SMYD1: variants seen among roughly 807,000 people sequenced by gnomAD.
SMYD1 encodes histone-lysine N-methyltransferase SMYD1.
A neutral mutation model predicts 54.0 loss-of-function variants in SMYD1; 49 were observed. The ratio of observed to expected loss-of-function variants is 0.91; its 90% confidence interval spans 0.72 to 1.15. SMYD1 has a LOEUF of 1.15. Among genes scored for constraint, SMYD1 ranks in the 50% most tolerant of loss-of-function variants. SMYD1 has a pLI of 0.00. For synonymous variants in SMYD1, 269 were observed against 234.2 expected, an observed-to-expected ratio of 1.15 and a Z score of -1.36; for missense variants, 653 against 639.6, an observed-to-expected ratio of 1.02 and a Z score of -0.23.
intron 1 of SMYD1, among the ~76,000 whole-genome samples, chr2:88,077,836 G>C (rs1422610599): frequency 2.0e-5 from 3 of 150,438 alleles, no homozygotes; most frequent in Non-Finnish European, 4.4e-5. Flanking sequence ...CGATTCTCCT[G>C]CCTCAGCCTC....
intron 2 of SMYD1, 42 bp from the exon 3 acceptor site, chr2:88,087,820 G>A (rs1393319698): frequency 6.8e-7 from 1 of 1,476,948 alleles, no homozygotes; most frequent in South Asian, 1.4e-5. Flanking sequence ...TTGAAGGAAT[G>A]AATGCAGCTG....
chr2:88,075,345 C>T (rs1379708388), intron 1 of SMYD1, among the ~76,000 whole-genome samples: 1 of 152,024 alleles, frequency 6.6e-6, no homozygotes, highest in African/African-American at 2.4e-5. Flanking sequence ...ACTCGCATCC[C>T]AGGATGTGTT....
intron 1 of SMYD1, among the ~76,000 whole-genome samples, chr2:88,075,818 C>T (rs186666951): frequency 6.6e-6 from 1 of 152,260 alleles, no homozygotes; most frequent in East Asian, 1.9e-4. Context: ...TCTGGGATTA[C>T]AGGTGTAAGC....
chr2:88,088,089 G>A lies in SMYD1; in HGVS notation c.528+14G>A, dbSNP rs200198739. On this transcript the variant is annotated intron_variant, in intron 3 of 9. Coordinates refer to ENST00000419482, the MANE Select transcript of SMYD1 (RefSeq NM_198274.4). The stretch of plus-strand genomic sequence containing the variant: ...ATCTTCGGAGTGGTAGGCCCCCTGC[G>A]TCCCTTCTCCATCCTCCCTGTCTGT... The A allele has an allele frequency of 7.0e-5, 112 of 1,600,344 alleles. 1 individual carries two copies. In the African/African-American group the frequency reaches 1.1e-3, roughly 15 times the overall value.
In SMYD1 at chr2:88,112,223, A is replaced by C; in HGVS notation, c.*1711A>C. ...TATCACTCTTTTACCTTCATATAAA[A>C]TGTCTCCCCCAAACCTTTTTCCCTT... On this transcript the variant is annotated 3_prime_UTR_variant, in exon 10 of 10. Transcript: ENST00000419482. The C allele has an allele frequency of 2.9e-6, 2 of 692,814 alleles. No homozygotes were observed. The highest frequency in any genetic ancestry group is 1.5e-5 in the South Asian group (1 of 67,140). 42.9% of individuals were successfully genotyped at this position (692,814 alleles called of 1,614,324 possible). A position where few individuals can be genotyped will look rare whatever the true frequency, so the allele number is the denominator to read the frequency against.
intron 1 of SMYD1, among the ~76,000 whole-genome samples, chr2:88,073,153 C>T (rs530401306): frequency 2.0e-5 from 3 of 152,238 alleles, no homozygotes; most frequent in East Asian, 1.9e-4. Context: ...AAAATGAAAA[C>T]ATGTTATTTG....
At chr2:88,091,441 G>C (rs574988579) in intron 4 of SMYD1, among the ~76,000 whole-genome samples, 1 of 152,104 alleles carries the variant, frequency 6.6e-6, no homozygotes, top group African/African-American at 2.4e-5. Flanking sequence ...TATCTGTCTA[G>C]AGGTCATTTA....
chr2:88,099,409 C>A (rs896884134), intron 6 of SMYD1, among the ~76,000 whole-genome samples: 2 of 152,110 alleles, frequency 1.3e-5, no homozygotes, highest in Admixed American at 1.3e-4. Context: ...CTCTCTCCAG[C>A]CTTTACCCAT....
intron 1 of SMYD1, among the ~76,000 whole-genome samples, chr2:88,080,285 T>G (rs1674159871): frequency 7.3e-6 from 1 of 137,450 alleles, no homozygotes; most frequent in African/African-American, 2.5e-5. Flanking sequence ...CACCTGGAAT[T>G]TTCATTTGTG....
At chr2:88,076,739 G>A (rs1389350792) in intron 1 of SMYD1, among the ~76,000 whole-genome samples, 1 of 152,208 alleles carries the variant, frequency 6.6e-6, no homozygotes, top group Non-Finnish European at 1.5e-5. Flanking sequence ...GGCACAGCAG[G>A]CTTACGCCTG....
Position 88,111,163 on chromosome 2 carries a change from A to C in SMYD1, c.*651A>C, listed in dbSNP as rs1675013285. 1 of 152,232 alleles carries C rather than the reference A, an allele frequency of 6.6e-6. No individual in the cohort carries two copies. The highest frequency in any genetic ancestry group is 1.5e-5 in the Non-Finnish European group (1 of 68,044). 9.4% of individuals were successfully genotyped at this position (152,232 alleles called of 1,614,324 possible). A position where few individuals can be genotyped will look rare whatever the true frequency, so the allele number is the denominator to read the frequency against. ...CCACTTCAGAATGGTGCATATGTCG[A>C]AAGAGCTGGCTGGGGGCCTTGCCCA... is the stretch of plus-strand genomic sequence containing the variant. On this transcript the variant is annotated 3_prime_UTR_variant, in exon 10 of 10. Transcript: ENST00000419482.
rs949641997 is a variant in SMYD1, at chr2:88,081,265, T to C, written c.138-3051T>C. Among the ~76,000 whole-genome samples, 6 of 152,126 alleles carry C rather than the reference T, an allele frequency of 3.9e-5. No individual in the cohort carries two copies. In the South Asian group the frequency reaches 1.2e-3, roughly 32 times the overall value. ...GTGGGTAGATGCATATGTCAGAACC[T>C]ATCAAAGTGTTATTTTTTAACACTT... is the stretch of plus-strand genomic sequence containing the variant. On this transcript the variant is annotated intron_variant, in intron 1 of 9. Coordinates refer to ENST00000419482, the MANE Select transcript of SMYD1 (RefSeq NM_198274.4).
At chr2:88,087,737 T>A in intron 2 of SMYD1, 125 bp from the exon 3 acceptor site, 2 of 803,620 alleles carry the variant, frequency 2.5e-6, no homozygotes, top group East Asian at 2.8e-5. Context: ...ATAAATTCCA[T>A]CCATCTAGTT....
intron 4 of SMYD1, among the ~76,000 whole-genome samples, chr2:88,092,458 A>G (rs1674483786): frequency 6.6e-6 from 1 of 152,182 alleles, no homozygotes; most frequent in Non-Finnish European, 1.5e-5. Flanking sequence ...ACTTTGAGCC[A>G]TCAACAATGA....
At chr2:88,078,631 A>C (rs539824468) in intron 1 of SMYD1, among the ~76,000 whole-genome samples, 1 of 152,338 alleles carries the variant, frequency 6.6e-6, no homozygotes, top group Admixed American at 6.5e-5. Context: ...AAACAAAAAA[A>C]TTCTTGCTAC....
chr2:88,111,818 G>A lies in SMYD1; in HGVS notation c.*1306G>A. ...TCTCACCAATGTTTTGGGAGATCCTGGAAAAGATCCCTTCAGTTTGGGGTG... is the reference window on the plus strand; with the variant it reads ...TCTCACCAATGTTTTGGGAGATCCTAGAAAAGATCCCTTCAGTTTGGGGTG... On this transcript the variant is annotated 3_prime_UTR_variant, in exon 10 of 10. Coordinates refer to ENST00000419482, the MANE Select transcript of SMYD1 (RefSeq NM_198274.4). The A allele has an allele frequency of 2.5e-6, 1 of 403,890 alleles. No homozygotes were observed. The highest frequency in any genetic ancestry group is 3.8e-5 in the East Asian group (1 of 26,004). The allele number at this position is 403,890 out of a possible 1,614,324, so 25.0% of individuals were successfully genotyped here.
At chr2:88,068,456 C>G (rs1030481156) in intron 1 of SMYD1, among the ~76,000 whole-genome samples, 3 of 152,104 alleles carry the variant, frequency 2.0e-5, no homozygotes, top group Non-Finnish European at 2.9e-5. Context: ...TCCACTTTCC[C>G]TTGAAAAATC....
chr2:88,070,314 G>T (rs1462245610), intron 1 of SMYD1, among the ~76,000 whole-genome samples: 1 of 152,134 alleles, frequency 6.6e-6, no homozygotes, highest in Non-Finnish European at 1.5e-5. Flanking sequence ...ACCCACAAAA[G>T]TCACTGTACA....
intron 6 of SMYD1, among the ~76,000 whole-genome samples, chr2:88,101,951 G>T (rs932466765): frequency 6.6e-5 from 10 of 152,152 alleles, no homozygotes; most frequent in Non-Finnish European, 1.2e-4. Context: ...TGATTGGTCA[G>T]TGCTTTTTCT....
Sources: allele counts gnomAD v4.1 joint callset (sites outside exome capture counted in the v4.1 genomes callset), GRCh38; gene constraint gnomAD v4.1.1; transcripts MANE v1.5; gene names NCBI Gene and HGNC (gene_info 2026-07-23, HGNC 2026-07-21).